Variants in TNKS2 observed in about 807,000 individuals in gnomAD.
TNKS2 encodes the protein tankyrase 2, also known as poly [ADP-ribose] polymerase tankyrase-2.
TNKS2 carries 72 observed loss-of-function variants against 137.6 expected under a neutral mutation model. The ratio of observed to expected loss-of-function variants is 0.52; its 90% CI spans 0.43 to 0.64. The LOEUF (loss-of-function observed/expected upper bound fraction) is 0.64. Among genes scored for constraint, TNKS2 ranks in the 30% least tolerant of loss-of-function variants. TNKS2 has a pLI of 0.00. For synonymous variants in TNKS2, 516 were observed against 512.1 expected, an observed-to-expected ratio of 1.01 and a Z score of -0.10; for missense variants, 1,049 against 1,410.2, an observed-to-expected ratio of 0.74 and a Z score of 4.10.
chr10:91,834,454 C>A (rs1841931190), intron 12 of TNKS2, among the ~76,000 whole-genome samples: 1 of 152,138 alleles, frequency 6.6e-6, no homozygotes, highest in Non-Finnish European at 1.5e-5. Flanking sequence ...AGATTTAGAT[C>A]AAATATCTAC....
At chr10:91,809,495 T>C (rs564134940) in intron 1 of TNKS2, among the ~76,000 whole-genome samples, 149 of 151,712 alleles carry the variant, frequency 9.8e-4, no homozygotes, top group African/African-American at 3.3e-3. Context: ...TGAAACCCCG[T>C]CTCTACTAAA....
chr10:91,814,406 G>T (rs1844605804), intron 2 of TNKS2, among the ~76,000 whole-genome samples: 1 of 152,068 alleles, frequency 6.6e-6, no homozygotes, highest in Non-Finnish European at 1.5e-5. Flanking sequence ...AATGTGAAAA[G>T]GTTACAGTAA....
chr10:91,829,511 T>C (rs1845169999), intron 9 of TNKS2, among the ~76,000 whole-genome samples: 1 of 152,088 alleles, frequency 6.6e-6, no homozygotes, highest in South Asian at 2.1e-4. Context: ...TCCCAGAGAT[T>C]TACAGGCCCT....
intron 7 of TNKS2, among the ~76,000 whole-genome samples, chr10:91,824,811 AC>A (rs1462621940): frequency 6.6e-6 from 1 of 152,234 alleles, no homozygotes; most frequent in Non-Finnish European, 1.5e-5. Context: ...CAGCAAGGAC[AC>A]TTAAGTTCAC....
At chr10:91,851,632 A>G (rs574244007) in intron 21 of TNKS2, among the ~76,000 whole-genome samples, 96 of 152,310 alleles carry the variant, frequency 6.3e-4, no homozygotes, top group African/African-American at 2.2e-3. Context: ...AAGTTATTCT[A>G]GCTCTTAAAT....
At chr10:91,831,276 TA>T in intron 11 of TNKS2, 95 bp downstream of exon 11, 1 of 1,116,506 alleles carries the variant, frequency 9.0e-7, no homozygotes, top group East Asian at 2.4e-5. Flanking sequence ...TACTTTCTCA[TA>T]AGTATTACTT....
At chr10:91,822,801 A>G (rs1036844648) in intron 7 of TNKS2, among the ~76,000 whole-genome samples, 4 of 151,818 alleles carry the variant, frequency 2.6e-5, no homozygotes, top group African/African-American at 9.7e-5. Context: ...CAAGTGATCC[A>G]CCTGCCTCGG....
chr10:91,854,917 T>TAA, intron 21 of TNKS2, 112 bp from the exon 22 acceptor site: 3 of 538,978 alleles, frequency 5.6e-6, no homozygotes, highest in Admixed American at 3.7e-5. Context: ...AAAAAAAAGT[T>TAA]TAAAAAAAAA....
chr10:91,827,580 C>G (rs536782561), intron 8 of TNKS2, among the ~76,000 whole-genome samples: 1 of 152,276 alleles, frequency 6.6e-6, no homozygotes, highest in East Asian at 1.9e-4. Flanking sequence ...TGTAAACAGT[C>G]TCCAGATCTT....
At chr10:91,831,254 T>G in intron 11 of TNKS2, 73 bp downstream of exon 11, 1 of 1,290,916 alleles carries the variant, frequency 7.7e-7, no homozygotes, top group South Asian at 1.2e-5. Context: ...ATGCCTGACT[T>G]CCTAAACTAT....
At chr10:91,823,745 C>G (rs1281732391) in intron 7 of TNKS2, among the ~76,000 whole-genome samples, 1 of 152,142 alleles carries the variant, frequency 6.6e-6, no homozygotes, top group Non-Finnish European at 1.5e-5. Flanking sequence ...ACCCATTCTA[C>G]TCCTTCAGCA....
intron 2 of TNKS2, among the ~76,000 whole-genome samples, chr10:91,815,546 G>A (rs1388577229): frequency 1.3e-5 from 2 of 151,838 alleles, no homozygotes; most frequent in African/African-American, 4.8e-5. Flanking sequence ...GAATTGAGAG[G>A]TACTCTAAGG....
At chr10:91,859,392 G>C (rs542610902) in intron 24 of TNKS2, 70 bp from the exon 25 acceptor site, 7 of 1,281,904 alleles carry the variant, frequency 5.5e-6, no homozygotes, top group Non-Finnish European at 7.3e-6. Flanking sequence ...CAGTTTCTAA[G>C]AAACTAGTTT....
chr10:91,823,622 C>T (rs1844977706), intron 7 of TNKS2, among the ~76,000 whole-genome samples: 1 of 152,048 alleles, frequency 6.6e-6, no homozygotes, highest in African/African-American at 2.4e-5. Flanking sequence ...GCCACCACAC[C>T]CAGTCCAAAA....
rs1844561149 is a variant in TNKS2 at position 91,813,084 on chromosome 10, T to C, written c.301T>C (p.Phe101Leu). 1 of 1,613,986 alleles carries C rather than the reference T, an allele frequency of 6.2e-7. No homozygotes were observed. Among genetic ancestry groups the C allele is most frequent in the Admixed American group, 1.7e-5 (1 of 59,998 alleles). The change falls in exon 2 of 27, where the codon TTT becomes CTT. Residue 101 changes from phenylalanine (F) to leucine (L), a missense_variant. Phe to Leu is a conservative substitution (Grantham distance 22, BLOSUM62 0). Transcript: ENST00000371627. ...TATTCCTCTTCATAATGCATGCTCT[T>C]TTGGTCATGCTGAAGTAGTCAATCT... Reference protein sequence around the residue: ...GLIPLHNACSFGHAEVVNLLL... With the variant: ...GLIPLHNACSLGHAEVVNLLL...
chr10:91,810,989 G>A (rs1299081555), intron 1 of TNKS2, among the ~76,000 whole-genome samples: 1 of 120,936 alleles, frequency 8.3e-6, no homozygotes. Context: ...GTGCAGTGAC[G>A]TGATCTCGGC....
At chr10:91,811,931 G>T in intron 1 of TNKS2, among the ~76,000 whole-genome samples, 1 of 152,096 alleles carries the variant, frequency 6.6e-6, no homozygotes, top group Non-Finnish European at 1.5e-5. Context: ...ATGGTGGCGG[G>T]TGCCTGTAGT....
intron 2 of TNKS2, among the ~76,000 whole-genome samples, chr10:91,816,511 G>GTGCA (rs1844702832): frequency 6.6e-6 from 1 of 152,116 alleles, no homozygotes; most frequent in Non-Finnish European, 1.5e-5. Flanking sequence ...CACCTTACAA[G>GTGCA]TGCATTGTAT....
chr10:91,815,225 C>T (rs182613424), intron 2 of TNKS2, among the ~76,000 whole-genome samples: 22 of 152,252 alleles, frequency 1.4e-4, no homozygotes, highest in African/African-American at 5.1e-4. Flanking sequence ...GTGTTCTATG[C>T]TAGACTTAAG....
Sources: gnomAD v4.1 joint callset for allele counts (sites outside exome capture counted in the v4.1 genomes callset) on GRCh38, gnomAD v4.1.1 for gene constraint, MANE v1.5 for transcripts, NCBI Gene and HGNC (gene_info 2026-07-23, HGNC 2026-07-21) for gene names.